ST18: variants seen among roughly 807,000 people sequenced by gnomAD.
ST18 encodes the protein suppression of tumorigenicity 18 protein.
ST18 carries 50 observed loss-of-function variants against 110.0 expected under a neutral mutation model. The ratio of observed to expected loss-of-function variants is 0.45; its 90% confidence interval spans 0.36 to 0.58. The LOEUF (loss-of-function observed/expected upper bound fraction) is 0.58. ST18 is among the 20% of genes least tolerant of loss of function. The pLI, the probability that ST18 is intolerant of heterozygous loss-of-function variation, is 0.00. For synonymous variants in ST18, 461 were observed against 452.4 expected (o/e 1.02, Z -0.24); for missense variants, 1,306 against 1,280.1 (o/e 1.02, Z -0.31).
At chr8:52,139,475 C>T (rs2053957277) in intron 17 of ST18, among the ~76,000 whole-genome samples, 1 of 152,100 alleles carries the variant, frequency 6.6e-6, no homozygotes, top group African/African-American at 2.4e-5. Flanking sequence ...CCTGCCTCAG[C>T]CTCCCGAATA....
chr8:52,256,322 C>T (rs2094527955), intron 2 of ST18, among the ~76,000 whole-genome samples: 1 of 152,192 alleles, frequency 6.6e-6, no homozygotes, highest in Admixed American at 6.5e-5. Flanking sequence ...GGTGATACTC[C>T]AACGCAAGGA....
At chr8:52,373,689 C>T (rs1831086206) in intron 2 of ST18, among the ~76,000 whole-genome samples, 1 of 152,168 alleles carries the variant, frequency 6.6e-6, no homozygotes, top group South Asian at 2.1e-4. Flanking sequence ...TCCTCTTTTC[C>T]TAACATAAGT....
intron 2 of ST18, among the ~76,000 whole-genome samples, chr8:52,245,381 T>C (rs1002174855): frequency 6.6e-5 from 10 of 152,156 alleles, no homozygotes; most frequent in African/African-American, 2.2e-4. Context: ...AACTAAGTTT[T>C]ATCTCATGCC....
chr8:52,254,135 C>G (rs538078402), intron 2 of ST18: 2 of 152,010 alleles, frequency 1.3e-5, no homozygotes, highest in African/African-American at 4.8e-5. Flanking sequence ...CATCCACCCC[C>G]CCTCCAAAAA....
At chr8:52,339,997 T>C (rs1814119809) in intron 2 of ST18, among the ~76,000 whole-genome samples, 1 of 152,244 alleles carries the variant, frequency 6.6e-6, no homozygotes, top group South Asian at 2.1e-4. Context: ...TGGATTAATT[T>C]TGCTGTAAAG....
chr8:52,375,379 C>T lies in ST18; in HGVS notation c.-465+33949G>A, dbSNP rs1235186892. On this transcript the variant is annotated intron_variant, in intron 2 of 25. Coordinates refer to ENST00000689386, the MANE Select transcript of ST18 (RefSeq NM_001352837.2). Reference sequence around the variant, plus strand: ...TCCCATGAGGCTTCCCTTAGCAGGGCCCCCAAAAACCTTGACTTACTGAAT... The same window carrying T: ...TCCCATGAGGCTTCCCTTAGCAGGGTCCCCAAAAACCTTGACTTACTGAAT... Among the ~76,000 whole-genome samples the T allele has an allele frequency of 3.3e-5, 5 of 152,128 alleles. No individual in the cohort carries two copies. In the East Asian group the frequency reaches 9.6e-4, roughly 29 times the overall value.
At chr8:52,291,304 C>T (rs971519437) in intron 2 of ST18, among the ~76,000 whole-genome samples, 1 of 152,206 alleles carries the variant, frequency 6.6e-6, no homozygotes, top group Non-Finnish European at 1.5e-5. Context: ...CCACACGATG[C>T]CTACAGTGGC....
intron 2 of ST18, among the ~76,000 whole-genome samples, chr8:52,292,276 G>C (rs933929102): frequency 2.0e-5 from 3 of 152,174 alleles, no homozygotes; most frequent in Non-Finnish European, 4.4e-5. Flanking sequence ...CTTACACACA[G>C]AAATGCACTG....
chr8:52,212,562 A>T (rs2082590633), intron 7 of ST18, among the ~76,000 whole-genome samples: 1 of 152,218 alleles, frequency 6.6e-6, no homozygotes, highest in Admixed American at 6.5e-5. Context: ...TCCTCCATAT[A>T]GAAAGGGGAG....
chr8:52,145,104 T>TATTA (rs1271454056), intron 16 of ST18, among the ~76,000 whole-genome samples: 1 of 152,016 alleles, frequency 6.6e-6, no homozygotes, highest in Non-Finnish European at 1.5e-5. Flanking sequence ...AGAGCCATTT[T>TATTA]ATTATTTATG....
intron 8 of ST18, chr8:52,209,962 C>G (rs2081581795): frequency 2.4e-6 from 1 of 413,404 alleles, no homozygotes; most frequent in African/African-American, 2.1e-5. Flanking sequence ...CTCTTCTAGG[C>G]CAATGTACAC....
intron 2 of ST18, chr8:52,246,633 A>G (rs1345076971): frequency 6.6e-6 from 1 of 152,180 alleles, no homozygotes; most frequent in Non-Finnish European, 1.5e-5. Flanking sequence ...AATTGTCACA[A>G]TGCTTCAGGG....
intron 3 of ST18, among the ~76,000 whole-genome samples, chr8:52,226,751 A>G (rs974183124): frequency 6.6e-5 from 10 of 152,228 alleles, no homozygotes; most frequent in Admixed American, 2.0e-4. Flanking sequence ...GATAATGTCA[A>G]AACATTTTTA....
chr8:52,163,926 G>A, intron 13 of ST18, 60 bp downstream of exon 13: 8 of 1,348,264 alleles, frequency 5.9e-6, no homozygotes, highest in Non-Finnish European at 7.4e-6. Context: ...AGGACCAGAG[G>A]CCCCGCTGTG....
chr8:52,173,012 T>C (rs566524798), intron 9 of ST18, among the ~76,000 whole-genome samples: 1 of 152,314 alleles, frequency 6.6e-6, no homozygotes, highest in Non-Finnish European at 1.5e-5. Context: ...TATAATAGTA[T>C]ACATTGTAAA....
At chr8:52,354,428 G>C (rs558133325) in intron 2 of ST18, among the ~76,000 whole-genome samples, 12 of 152,298 alleles carry the variant, frequency 7.9e-5, no homozygotes, top group South Asian at 2.1e-4. Flanking sequence ...ACTGGATATG[G>C]TATGCAAGAG....
intron 2 of ST18, among the ~76,000 whole-genome samples, chr8:52,399,855 T>C (rs1842345989): frequency 2.0e-5 from 3 of 152,078 alleles, no homozygotes; most frequent in Admixed American, 2.0e-4. Context: ...GAATGTTCTA[T>C]GTGCACTAGA....
intron 22 of ST18, among the ~76,000 whole-genome samples, chr8:52,129,385 C>T (rs1220313880): frequency 7.3e-5 from 10 of 136,492 alleles, no homozygotes; most frequent in Non-Finnish European, 1.2e-4. Flanking sequence ...ACCTGGGAGG[C>T]GGAGGTTGCA....
At chr8:52,342,931 A>C (rs1041030528) in intron 2 of ST18, among the ~76,000 whole-genome samples, 2 of 152,214 alleles carry the variant, frequency 1.3e-5, no homozygotes, top group African/African-American at 4.8e-5. Context: ...TGGCAAAACG[A>C]AAGAACAAGG....
Sources: allele counts gnomAD v4.1 joint callset (sites outside exome capture counted in the v4.1 genomes callset), GRCh38; gene constraint gnomAD v4.1.1; transcripts MANE v1.5; gene names NCBI Gene and HGNC (gene_info 2026-07-23, HGNC 2026-07-21).